The following TUSC3 variants were observed in gnomAD, a reference collection of about 807,000 sequenced individuals.
The protein encoded by TUSC3 is dolichyl-diphosphooligosaccharide--protein glycosyltransferase subunit TUSC3.
In TUSC3, 45 loss-of-function variants were observed where a neutral mutation model predicts 44.8. The observed-to-expected ratio is 1.00, with a 90% CI of 0.79 to 1.29. TUSC3 has a LOEUF of 1.29. TUSC3 is among the 50% of genes most tolerant of loss of function. The pLI is 0.00. For missense variants in TUSC3, 519 were observed against 437.9 expected (o/e 1.19, Z -1.65); for synonymous variants, 212 against 152.9 (o/e 1.39, Z -2.85).
At chr8:15,737,229 T>TAAGTA (rs1325022037) in intron 7 of TUSC3, among the ~76,000 whole-genome samples, 1 of 151,294 alleles carries the variant, frequency 6.6e-6, no homozygotes, top group Admixed American at 6.6e-5. Context: ...TAGAATTCTT[T>TAAGTA]AAGTAAGTCT....
At chr8:15,698,433 T>G (rs1809258649) in intron 6 of TUSC3, among the ~76,000 whole-genome samples, 1 of 152,226 alleles carries the variant, frequency 6.6e-6, no homozygotes, top group Non-Finnish European at 1.5e-5. Context: ...TTTCAGTTTA[T>G]ATACTTACTA....
chr8:15,816,364 A>T, the TUSC3 span, among the ~76,000 whole-genome samples: 1 of 152,190 alleles, frequency 6.6e-6, no homozygotes, highest in South Asian at 2.1e-4. Flanking sequence ...AGGGGTGGCA[A>T]TGTAGGCATT....
At chr8:15,745,338 C>T (rs1025967291) in intron 8 of TUSC3, among the ~76,000 whole-genome samples, 4 of 152,024 alleles carry the variant, frequency 2.6e-5, no homozygotes, top group African/African-American at 9.7e-5. Context: ...AAGGGGGTTG[C>T]TGGGCCAAAG....
chr8:15,767,694 G>A (rs2129226756), downstream of TUSC3, among the ~76,000 whole-genome samples: 1 of 152,214 alleles, frequency 6.6e-6, no homozygotes, highest in African/African-American at 2.4e-5. Flanking sequence ...TTAAGAAATG[G>A]TGTTTGCTTT....
chr8:15,627,760 C>T (rs562003826), intron 2 of TUSC3, among the ~76,000 whole-genome samples: 1 of 152,228 alleles, frequency 6.6e-6, no homozygotes. Flanking sequence ...AGCTGCACGC[C>T]CTGCTCTAGC....
At chr8:15,576,279 G>GTTTTTTTTTTTATTT (rs1803106328) in intron 1 of TUSC3, among the ~76,000 whole-genome samples, 1 of 104,794 alleles carries the variant, frequency 9.5e-6, no homozygotes, top group African/African-American at 3.5e-5. Context: ...TGGTCCTCTT[G>GTTTTTTTTTTTATTT]TTTTTTTTTT....
chr8:15,722,449 A>C (rs1810337739), intron 6 of TUSC3, among the ~76,000 whole-genome samples: 1 of 152,052 alleles, frequency 6.6e-6, no homozygotes, highest in African/African-American at 2.4e-5. Context: ...GTCTCTGGTT[A>C]GGAGCTGCTA....
chr8:15,598,265 C>A (rs552869639), intron 1 of TUSC3, among the ~76,000 whole-genome samples: 1 of 151,840 alleles, frequency 6.6e-6, no homozygotes, highest in Non-Finnish European at 1.5e-5. Flanking sequence ...TTGTTCTAGA[C>A]GTATTTTGCA....
intron 1 of TUSC3, among the ~76,000 whole-genome samples, chr8:15,465,352 A>G (rs989219993): frequency 6.6e-6 from 1 of 152,186 alleles, no homozygotes; most frequent in African/African-American, 2.4e-5. Flanking sequence ...AATTTAGCAC[A>G]AAGTAGGGAG....
chr8:15,799,643 C>T, the TUSC3 span, among the ~76,000 whole-genome samples: 1 of 152,196 alleles, frequency 6.6e-6, no homozygotes, highest in African/African-American at 2.4e-5. Flanking sequence ...TACCTATTCC[C>T]ATGGACTTTT....
intron 2 of TUSC3, among the ~76,000 whole-genome samples, chr8:15,488,501 C>G (rs1392995151): frequency 6.6e-6 from 1 of 152,016 alleles, no homozygotes; most frequent in African/African-American, 2.4e-5. Flanking sequence ...GACCCTCTCT[C>G]AAAAATAAAC....
chr8:15,718,569 T>C (rs1250046390), intron 6 of TUSC3, among the ~76,000 whole-genome samples: 1 of 152,138 alleles, frequency 6.6e-6, no homozygotes, highest in Non-Finnish European at 1.5e-5. Context: ...AGCTGTTGAA[T>C]TTAACGATAC....
the TUSC3 span, among the ~76,000 whole-genome samples, chr8:15,828,020 G>C: frequency 2.5e-4 from 36 of 146,010 alleles, no homozygotes; most frequent in African/African-American, 8.5e-4. Flanking sequence ...TTGACACGGA[G>C]TTTCACACTT....
At chr8:15,667,224 A>G (rs1807702842) in intron 5 of TUSC3, among the ~76,000 whole-genome samples, 1 of 151,620 alleles carries the variant, frequency 6.6e-6, no homozygotes, top group African/African-American at 2.4e-5. Flanking sequence ...CTTAGTCTTA[A>G]GCTTTTTGTT....
intron 2 of TUSC3, among the ~76,000 whole-genome samples, chr8:15,640,210 G>A (rs972626615): frequency 6.6e-6 from 1 of 152,238 alleles, no homozygotes; most frequent in African/African-American, 2.4e-5. Flanking sequence ...AACCTTCTTG[G>A]GCACTGAATC....
chr8:15,523,702 G>GTA (rs1563273682), intron 2 of TUSC3, among the ~76,000 whole-genome samples: 1 of 112,044 alleles, frequency 8.9e-6, no homozygotes, highest in African/African-American at 4.0e-5. Context: ...GTGTGTGTGT[G>GTA]TGTGTGTATA....
chr8:15,840,632 A>G, the TUSC3 span, among the ~76,000 whole-genome samples: 1 of 152,166 alleles, frequency 6.6e-6, no homozygotes, highest in Non-Finnish European at 1.5e-5. Flanking sequence ...TTAAAAATCA[A>G]TAGTTTTATA....
At chr8:15,639,051 G>C (rs1247517881) in intron 2 of TUSC3, among the ~76,000 whole-genome samples, 2 of 144,958 alleles carry the variant, frequency 1.4e-5, no homozygotes, top group South Asian at 4.3e-4. Flanking sequence ...CAGGGCTCCA[G>C]TGATGATCAT....
the TUSC3 span, among the ~76,000 whole-genome samples, chr8:15,799,556 G>C: frequency 4.6e-5 from 7 of 152,290 alleles, no homozygotes; most frequent in Non-Finnish European, 8.8e-5. Flanking sequence ...CCCCTTCCCA[G>C]TTTTTCCTCG....
Sources: allele counts gnomAD v4.1 joint callset (sites outside exome capture counted in the v4.1 genomes callset), GRCh38; gene constraint gnomAD v4.1.1; transcripts MANE v1.5; gene names NCBI Gene and HGNC (gene_info 2026-07-23, HGNC 2026-07-21).